The following GPR137C variants were observed in gnomAD, a reference collection of about 807,000 sequenced individuals.
GPR137C encodes the protein integral membrane protein GPR137C.
Under a neutral mutation model 43.4 loss-of-function variants are expected in GPR137C, and 27 were observed. That is an observed-to-expected ratio of 0.62 (90% CI 0.46 to 0.86). The LOEUF (loss-of-function observed/expected upper bound fraction) is 0.86, where lower values mean the gene tolerates loss of function less well. Among genes scored for constraint, GPR137C ranks in the 40% least tolerant of loss-of-function variants. GPR137C has a pLI of 0.00. For missense variants in GPR137C, 522 were observed against 534.6 expected, an observed-to-expected ratio of 0.98 and a Z score of 0.23; for synonymous variants, 285 against 226.9, an observed-to-expected ratio of 1.26 and a Z score of -2.30.
chr14:52,570,418 C>T (rs1379703881), intron 1 of GPR137C, among the ~76,000 whole-genome samples: 1 of 152,130 alleles, frequency 6.6e-6, no homozygotes, highest in African/African-American at 2.4e-5. Context: ...ACCATCGACC[C>T]TATGAAGAAA....
intron 2 of GPR137C, among the ~76,000 whole-genome samples, chr14:52,599,520 A>G (rs371514105): frequency 1.3e-5 from 2 of 148,556 alleles, no homozygotes; most frequent in East Asian, 2.0e-4. Context: ...TGCAACCTCC[A>G]TCTCCTAGAT....
intron 1 of GPR137C, among the ~76,000 whole-genome samples, chr14:52,554,652 C>T (rs1432392693): frequency 6.6e-6 from 1 of 151,688 alleles, no homozygotes; most frequent in Non-Finnish European, 1.5e-5. Context: ...TTGGCCTATG[C>T]AGCTAATCCT....
intron 3 of GPR137C, among the ~76,000 whole-genome samples, chr14:52,624,215 T>TAA (rs202158396): frequency 8.8e-5 from 11 of 124,566 alleles, no homozygotes; most frequent in East Asian, 4.3e-4. Context: ...AACCCATGGG[T>TAA]AAAAAAAAAA....
chr14:52,567,976 T>C (rs2038399419), intron 1 of GPR137C, among the ~76,000 whole-genome samples: 1 of 152,056 alleles, frequency 6.6e-6, no homozygotes, highest in South Asian at 2.1e-4. Context: ...TCTTAAGAAA[T>C]CCAGATTAAC....
chr14:52,587,491 C>G (rs1210523475), intron 1 of GPR137C, among the ~76,000 whole-genome samples: 1 of 152,164 alleles, frequency 6.6e-6, no homozygotes, highest in Admixed American at 6.6e-5. Flanking sequence ...AATGACCAGG[C>G]CAAGTGCAGT....
chr14:52,574,942 A>G (rs779456374), intron 1 of GPR137C, among the ~76,000 whole-genome samples: 1 of 152,180 alleles, frequency 6.6e-6, no homozygotes, highest in African/African-American at 2.4e-5. Context: ...TGGGGGAAGT[A>G]GTGTTGGAAA....
intron 1 of GPR137C, among the ~76,000 whole-genome samples, chr14:52,559,707 A>G (rs1166916774): frequency 6.6e-6 from 1 of 152,236 alleles, no homozygotes. Flanking sequence ...AAAAGGTTCG[A>G]AAATTAGAAA....
In GPR137C at chr14:52,553,391, C is replaced by G; in HGVS notation, c.244C>G (p.Gln82Glu). 1 of 1,607,190 alleles carries G rather than the reference C, an allele frequency of 6.2e-7. No individual in the cohort carries two copies. ...LLYRERRLSY[Q>E]SLCLFLCLLW... is the part of the protein sequence containing the mutation. Reference sequence around the variant, plus strand: ...GTACCGCGAGCGGCGGCTGAGTTACCAGAGCCTCTGCCTCTTCCTCTGTCT... The same window carrying G: ...GTACCGCGAGCGGCGGCTGAGTTACGAGAGCCTCTGCCTCTTCCTCTGTCT... Residue 82 changes from glutamine (Q) to glutamate (E), a missense_variant, in exon 1 of 7, where the codon CAG becomes GAG. By Grantham distance (29) the Gln-to-Glu change is conservative. Coordinates refer to ENST00000321662, the MANE Select transcript of GPR137C (RefSeq NM_001099652.2).
intron 1 of GPR137C, among the ~76,000 whole-genome samples, chr14:52,572,057 A>G (rs1413492577): frequency 6.6e-6 from 1 of 152,228 alleles, no homozygotes; most frequent in Non-Finnish European, 1.5e-5. Context: ...GAAGAAGTCA[A>G]ATCCCCGAGT....
intron 3 of GPR137C, among the ~76,000 whole-genome samples, chr14:52,625,481 C>CAA (rs531582064): frequency 1.3e-3 from 59 of 44,812 alleles, no homozygotes; most frequent in African/African-American, 4.8e-3. Context: ...GACTCCATCC[C>CAA]AAAAAAAAAA....
chr14:52,564,771 C>CCTA (rs2038341126), intron 1 of GPR137C, among the ~76,000 whole-genome samples: 1 of 152,114 alleles, frequency 6.6e-6, no homozygotes, highest in Non-Finnish European at 1.5e-5. Context: ...CCTAATTTAA[C>CCTA]ATCTGATGTG....
chr14:52,625,944 C>G (rs532813987), intron 3 of GPR137C, among the ~76,000 whole-genome samples: 2 of 152,224 alleles, frequency 1.3e-5, no homozygotes, highest in East Asian at 3.9e-4. Flanking sequence ...TCTGTATTCA[C>G]AGGTCCTACA....
intron 1 of GPR137C, among the ~76,000 whole-genome samples, chr14:52,589,296 G>A (rs987887688): frequency 3.3e-5 from 5 of 152,162 alleles, no homozygotes; most frequent in African/African-American, 1.2e-4. Flanking sequence ...AAAAGATTCA[G>A]GAGATGGATA....
intron 1 of GPR137C, among the ~76,000 whole-genome samples, chr14:52,569,545 A>T (rs905409425): frequency 6.6e-6 from 1 of 152,004 alleles, no homozygotes; most frequent in Non-Finnish European, 1.5e-5. Flanking sequence ...AAGAACCTTG[A>T]AAAAAGGTTA....
intron 1 of GPR137C, chr14:52,596,880 TGC>T (rs1282683325): frequency 1.5e-5 from 7 of 453,450 alleles, no homozygotes; most frequent in Non-Finnish European, 3.1e-5. Flanking sequence ...CAATTGGAAA[TGC>T]AGAAATCACC....
At chr14:52,579,619 A>G (rs1297790297) in intron 1 of GPR137C, among the ~76,000 whole-genome samples, 2 of 152,204 alleles carry the variant, frequency 1.3e-5, no homozygotes, top group Non-Finnish European at 2.9e-5. Context: ...TGTTAAACTC[A>G]TGGTTACAGT....
chr14:52,634,830 T>C (rs2039333854), intron 6 of GPR137C, 108 bp from the exon 7 acceptor site: 1 of 881,998 alleles, frequency 1.1e-6, no homozygotes. Flanking sequence ...TCAATGTATT[T>C]GAGTGCTAAC....
At chr14:52,598,155 A>C (rs917442769) in intron 1 of GPR137C, 117 bp from the exon 2 acceptor site, 14 of 439,676 alleles carry the variant, frequency 3.2e-5, no homozygotes, top group African/African-American at 2.2e-4. Flanking sequence ...TTAACATTTC[A>C]ACTTTGCGTG....
At chr14:52,597,392 A>C (rs2038869366) in intron 1 of GPR137C, among the ~76,000 whole-genome samples, 1 of 152,212 alleles carries the variant, frequency 6.6e-6, no homozygotes, top group Non-Finnish European at 1.5e-5. Context: ...GTAAATGTTT[A>C]AATGAAATCA....
Sources: gnomAD v4.1 joint callset for allele counts (sites outside exome capture counted in the v4.1 genomes callset) on GRCh38, gnomAD v4.1.1 for gene constraint, MANE v1.5 for transcripts, NCBI Gene and HGNC (gene_info 2026-07-23, HGNC 2026-07-21) for gene names.